MTA3: variants seen among roughly 807,000 people sequenced by gnomAD.
MTA3 encodes metastasis associated 1 family member 3.
MTA3 carries 34 observed loss-of-function variants against 83.5 expected under a neutral mutation model. The ratio of observed to expected loss-of-function variants is 0.41; its 90% confidence interval spans 0.31 to 0.54. The LOEUF is 0.54. Among genes scored for constraint, MTA3 ranks in the 20% least tolerant of loss-of-function variants. The pLI is 0.33. For missense variants in MTA3, 761 were observed against 726.4 expected, an observed-to-expected ratio of 1.05 and a Z score of -0.55; for synonymous variants, 303 against 252.7, an observed-to-expected ratio of 1.20 and a Z score of -1.89.
chr2:42,685,597 T>C (rs1692303229), intron 9 of MTA3, among the ~76,000 whole-genome samples: 1 of 152,206 alleles, frequency 6.6e-6, no homozygotes. Flanking sequence ...ACCTAAATTA[T>C]ACCCAGAATC....
At chr2:42,615,218 C>T (rs1242447091) in intron 4 of MTA3, among the ~76,000 whole-genome samples, 1 of 150,146 alleles carries the variant, frequency 6.7e-6, no homozygotes, top group Non-Finnish European at 1.5e-5. Context: ...TTGACTTCAT[C>T]TTAGATTATA....
chr2:42,547,406 C>A (rs1334453074), intron 2 of MTA3, among the ~76,000 whole-genome samples: 1 of 152,276 alleles, frequency 6.6e-6, no homozygotes, highest in Non-Finnish European at 1.5e-5. Context: ...CTGCTCACTG[C>A]AACCTCCACC....
At chr2:42,622,107 T>C (rs1685624334) in intron 4 of MTA3, among the ~76,000 whole-genome samples, 1 of 152,148 alleles carries the variant, frequency 6.6e-6, no homozygotes, top group African/African-American at 2.4e-5. Context: ...CACTCCAGCC[T>C]GGGCAACATT....
chr2:42,615,629 C>A (rs1318963688), intron 4 of MTA3, among the ~76,000 whole-genome samples: 1 of 150,048 alleles, frequency 6.7e-6, no homozygotes, highest in African/African-American at 2.4e-5. Flanking sequence ...GCTGGAATTA[C>A]AGGCTTGAGC....
At chr2:42,680,880 G>A (rs1314472341) in intron 8 of MTA3, among the ~76,000 whole-genome samples, 3 of 151,164 alleles carry the variant, frequency 2.0e-5, no homozygotes, top group Non-Finnish European at 4.4e-5. Flanking sequence ...AGACTCCTGA[G>A]TAGCTGGGAT....
intron 3 of MTA3, among the ~76,000 whole-genome samples, chr2:42,598,541 A>G (rs1168441024): frequency 6.6e-6 from 1 of 152,200 alleles, no homozygotes; most frequent in Non-Finnish European, 1.5e-5. Flanking sequence ...GGTTAGGTCT[A>G]AGGTCACCTA....
intron 4 of MTA3, among the ~76,000 whole-genome samples, chr2:42,637,982 G>A (rs1573418149): frequency 6.6e-6 from 1 of 152,184 alleles, no homozygotes; most frequent in East Asian, 1.9e-4. Context: ...GTGCAGTAGT[G>A]TTTATAACCA....
intron 4 of MTA3, among the ~76,000 whole-genome samples, chr2:42,617,954 A>T (rs1465284627): frequency 1.3e-5 from 2 of 151,728 alleles, no homozygotes; most frequent in Admixed American, 6.6e-5. Context: ...AAAAAAAAAA[A>T]TTTAAATAGA....
chr2:42,585,013 C>A (rs1051744733), intron 3 of MTA3, among the ~76,000 whole-genome samples: 3 of 151,498 alleles, frequency 2.0e-5, no homozygotes, highest in African/African-American at 7.3e-5. Flanking sequence ...CTCACTGCAA[C>A]CTCCACCTCC....
At chr2:42,628,092 C>T (rs1024663774) in intron 4 of MTA3, among the ~76,000 whole-genome samples, 6 of 151,924 alleles carry the variant, frequency 3.9e-5, no homozygotes, top group African/African-American at 9.7e-5. Context: ...CCATGTTGGC[C>T]AGGCTGGTCT....
chr2:42,572,835 C>A (rs984660600), intron 2 of MTA3, among the ~76,000 whole-genome samples: 1 of 152,150 alleles, frequency 6.6e-6, no homozygotes, highest in South Asian at 2.1e-4. Context: ...TCAAGCGATT[C>A]TACTGTCTCA....
At chr2:42,594,728 ATT>A (rs1211133796) in intron 3 of MTA3, among the ~76,000 whole-genome samples, 265 of 24,014 alleles carry the variant, frequency 0.011, 5 homozygotes, top group East Asian at 0.086. Context: ...ATATATATAT[ATT>A]TTTTTTTTTT....
rs551267437 is a variant in MTA3 at position 42,580,006 on chromosome 2, C to T, written c.190+806C>T. 2.6e-4 allele frequency among the ~76,000 whole-genome samples: 39 copies of T among 152,086 alleles called. No individual in the cohort carries two copies. The South Asian group carries it at 4.4e-3, about 17-fold the overall frequency. On this transcript the variant is annotated intron_variant, in intron 3 of 16. Coordinates refer to ENST00000405094, the MANE Select transcript of MTA3 (RefSeq NM_001330442.2). Reference sequence around the variant, plus strand: ...GCCCAGGCTGGAGAGTGCAGTGGCACAATCATGGCTCACTGCAGCCTCGAT... The same window carrying T: ...GCCCAGGCTGGAGAGTGCAGTGGCATAATCATGGCTCACTGCAGCCTCGAT...
At chr2:42,524,296 T>A (rs1675566253) in intron 2 of MTA3, among the ~76,000 whole-genome samples, 1 of 151,422 alleles carries the variant, frequency 6.6e-6, no homozygotes, top group African/African-American at 2.4e-5. Context: ...GTTGCAACCA[T>A]TATTATTATT....
At chr2:42,708,845 T>A in intron 13 of MTA3, 29 bp from the exon 14 acceptor site, 1 of 1,611,822 alleles carries the variant, frequency 6.2e-7, no homozygotes, top group Non-Finnish European at 8.5e-7. Flanking sequence ...TTCACTTCCT[T>A]GAGTGTTTGT....
chr2:42,562,631 G>C (rs1360491394), intron 2 of MTA3, among the ~76,000 whole-genome samples: 4 of 152,130 alleles, frequency 2.6e-5, no homozygotes, highest in Non-Finnish European at 5.9e-5. Context: ...CCTGGACTCT[G>C]ATCTCCTGAA....
At chr2:42,695,250 G>C (rs114808947) in intron 9 of MTA3, among the ~76,000 whole-genome samples, 1 of 152,092 alleles carries the variant, frequency 6.6e-6, no homozygotes, top group Non-Finnish European at 1.5e-5. Flanking sequence ...CTTGTTTGGG[G>C]TACCGTTTGC....
chr2:42,752,863 A>G (rs576067136), intron 16 of MTA3, among the ~76,000 whole-genome samples: 1 of 151,908 alleles, frequency 6.6e-6, no homozygotes, highest in Non-Finnish European at 1.5e-5. Context: ...TTCAGTATCA[A>G]TTATATATTT....
At chr2:42,701,221 G>A (rs1017511488) in intron 11 of MTA3, among the ~76,000 whole-genome samples, 6 of 148,756 alleles carry the variant, frequency 4.0e-5, no homozygotes, top group Middle Eastern at 3.5e-3. Flanking sequence ...AGGATCACCT[G>A]AGCCTGAGAG....
Sources: allele counts gnomAD v4.1 joint callset (sites outside exome capture counted in the v4.1 genomes callset), GRCh38; gene constraint gnomAD v4.1.1; transcripts MANE v1.5; gene names NCBI Gene and HGNC (gene_info 2026-07-23, HGNC 2026-07-21).